Variants in CEP85L observed in about 807,000 individuals in gnomAD.
CEP85L encodes the protein centrosomal protein of 85 kDa-like.
In CEP85L, 60 loss-of-function variants were observed where a neutral mutation model predicts 100.3. The ratio of observed to expected loss-of-function variants is 0.60; its 90% CI spans 0.49 to 0.74. CEP85L has a LOEUF of 0.74. Among genes scored for constraint, CEP85L ranks in the 30% least tolerant of loss-of-function variants. The pLI is 0.00. For synonymous variants in CEP85L, 319 were observed against 322.7 expected (o/e 0.99, Z 0.12); for missense variants, 973 against 936.2 (o/e 1.04, Z -0.51).
At chr6:118,576,164 GACAA>G (rs1780221066) in intron 2 of CEP85L, among the ~76,000 whole-genome samples, 2 of 152,146 alleles carry the variant, frequency 1.3e-5, no homozygotes, top group Non-Finnish European at 2.9e-5. Flanking sequence ...GGTTACCATG[GACAA>G]GATGCCTTCC....
intron 10 of CEP85L, among the ~76,000 whole-genome samples, chr6:118,474,209 G>A (rs1773179350): frequency 6.6e-6 from 1 of 152,190 alleles, no homozygotes; most frequent in South Asian, 2.1e-4. Flanking sequence ...AACTCAGTAA[G>A]AAGAGTAAGA....
chr6:118,679,384 C>A (rs1776579137), intron 1 of CEP85L, among the ~76,000 whole-genome samples: 1 of 152,068 alleles, frequency 6.6e-6, no homozygotes, highest in Non-Finnish European at 1.5e-5. Flanking sequence ...AAGTAATGTG[C>A]AGAATGAACT....
intron 3 of CEP85L, among the ~76,000 whole-genome samples, chr6:118,526,088 G>A (rs568825211): frequency 6.6e-6 from 1 of 152,314 alleles, no homozygotes; most frequent in Admixed American, 6.5e-5. Flanking sequence ...ACTTTTGTCA[G>A]ATGGGAAGAT....
At chr6:118,644,462 T>C (rs1245579265) in intron 1 of CEP85L, among the ~76,000 whole-genome samples, 5 of 147,832 alleles carry the variant, frequency 3.4e-5, no homozygotes, top group African/African-American at 1.2e-4. Flanking sequence ...ACCTCCCTAC[T>C]GAGCTCCAGC....
chr6:118,550,793 G>A (rs1778495489), intron 3 of CEP85L, among the ~76,000 whole-genome samples: 1 of 151,710 alleles, frequency 6.6e-6, no homozygotes, highest in South Asian at 2.1e-4. Flanking sequence ...CAAATTCAGA[G>A]AATACAAACT....
chr6:118,661,742 C>A (rs1775979915), intron 1 of CEP85L, among the ~76,000 whole-genome samples: 1 of 151,706 alleles, frequency 6.6e-6, no homozygotes. Flanking sequence ...TTTTATAGAA[C>A]AATAAAATAT....
chr6:118,503,215 T>A (rs1775419199), intron 5 of CEP85L, among the ~76,000 whole-genome samples: 1 of 152,152 alleles, frequency 6.6e-6, no homozygotes, highest in Admixed American at 6.6e-5. Flanking sequence ...AAAAATAAGA[T>A]AGGTATAAAT....
chr6:118,620,127 G>A (rs1479579484), intron 2 of CEP85L, among the ~76,000 whole-genome samples: 1 of 152,164 alleles, frequency 6.6e-6, no homozygotes, highest in Non-Finnish European at 1.5e-5. Flanking sequence ...TCTAGAAAGG[G>A]TATGGGAGGC....
intron 1 of CEP85L, among the ~76,000 whole-genome samples, chr6:118,684,310 G>C: frequency 6.6e-6 from 1 of 151,562 alleles, no homozygotes; most frequent in East Asian, 1.9e-4. Flanking sequence ...AGACCAGCTG[G>C]AGCAACATAG....
Position 118,557,838 on chromosome 6 carries a change from A to C in CEP85L, c.1020+7691T>G, listed in dbSNP as rs117871046. 1.2e-3 allele frequency among the ~76,000 whole-genome samples: 177 copies of C among 152,332 alleles called. 3 individuals are homozygous for C. The South Asian group carries it at 0.018, about 16-fold the overall frequency. ...TCCCACCGTATTTGAATTGTTTTTG[A>C]TCTGCATGGAGCTGGATGTGCTCCT... is the stretch of plus-strand genomic sequence containing the variant. On this transcript the variant is annotated intron_variant, in intron 3 of 12. Transcript: ENST00000368491.
intron 1 of CEP85L, among the ~76,000 whole-genome samples, chr6:118,698,978 TA>T (rs1777307736): frequency 6.6e-6 from 1 of 152,180 alleles, no homozygotes; most frequent in Non-Finnish European, 1.5e-5. Flanking sequence ...TTACTGAGGT[TA>T]TTTTTACTAA....
At chr6:118,678,043 T>C (rs944039284) in intron 1 of CEP85L, among the ~76,000 whole-genome samples, 7 of 152,202 alleles carry the variant, frequency 4.6e-5, no homozygotes, top group Admixed American at 2.0e-4. Context: ...TCCAGGTTAC[T>C]CAGAATGGCA....
chr6:118,603,986 T>C (rs1438341645), intron 2 of CEP85L, among the ~76,000 whole-genome samples: 2 of 152,222 alleles, frequency 1.3e-5, no homozygotes, highest in Non-Finnish European at 2.9e-5. Flanking sequence ...ATAACATACA[T>C]TAAGTCGTAT....
rs1259150823 is a variant in CEP85L at position 118,567,239 on chromosome 6, GTGTGTGTGTGTA to G, written c.233-935_233-924del. On this transcript the variant is annotated intron_variant, in intron 2 of 12. Coordinates refer to ENST00000368491, the MANE Select transcript of CEP85L (RefSeq NM_001042475.3). ...TGTGTGTGTGTGTGTGTGTGTGTGT[GTGTGTGTGTGTA>G]TATATATATATATATATATATATAT... Among the ~76,000 whole-genome samples the G allele has an allele frequency of 4.4e-3, 233 of 53,298 alleles. 1 individual carries two copies. The highest frequency in any genetic ancestry group is 7.0e-3 in the Admixed American group (34 of 4,832). The allele number at this position is 53,298 out of a possible 152,430, so 35.0% of individuals were successfully genotyped here.
In CEP85L at chr6:118,628,669, C is replaced by CAAAA. The variant is rs869194275; in HGVS notation, c.232+3780_232+3783dup. ...ACAAACAAACAAACAAACAAACAAA[C>CAAAA]AAAACACATTATATCCAAGAATTGT... On this transcript the variant is annotated intron_variant, in intron 2 of 12. Transcript: ENST00000368491. 7.1e-5 allele frequency among the ~76,000 whole-genome samples: 9 copies of CAAAA among 126,730 alleles called. No homozygotes were observed. In the East Asian group the frequency reaches 1.7e-3, roughly 24 times the overall value. The allele number at this position is 126,730 out of a possible 152,430, so 83.1% of individuals were successfully genotyped here.
chr6:118,536,726 G>A (rs1777616623), intron 3 of CEP85L, among the ~76,000 whole-genome samples: 1 of 152,118 alleles, frequency 6.6e-6, no homozygotes, highest in Admixed American at 6.6e-5. Flanking sequence ...AAGAATGCAT[G>A]GATGAAGAAT....
At chr6:118,562,626 G>A (rs1191234112) in intron 3 of CEP85L, among the ~76,000 whole-genome samples, 2 of 152,130 alleles carry the variant, frequency 1.3e-5, no homozygotes, top group Non-Finnish European at 2.9e-5. Context: ...CTCCCAAAGT[G>A]TTGGGATTAC....
chr6:118,597,989 G>C (rs1781541521), intron 2 of CEP85L, among the ~76,000 whole-genome samples: 1 of 152,168 alleles, frequency 6.6e-6, no homozygotes, highest in Non-Finnish European at 1.5e-5. Context: ...TGAAGCCAAA[G>C]CTTCAAAAAA....
At chr6:118,489,536 AC>A (rs1456831406) in intron 6 of CEP85L, among the ~76,000 whole-genome samples, 1 of 152,202 alleles carries the variant, frequency 6.6e-6, no homozygotes, top group Admixed American at 6.5e-5. Flanking sequence ...CAAATAGTGA[AC>A]AGGTATATGA....
Sources: allele counts gnomAD v4.1 joint callset (sites outside exome capture counted in the v4.1 genomes callset), GRCh38; gene constraint gnomAD v4.1.1; transcripts MANE v1.5; gene names NCBI Gene and HGNC (gene_info 2026-07-23, HGNC 2026-07-21).